SLC12A7: variants seen among roughly 807,000 people sequenced by gnomAD.
The protein encoded by SLC12A7 is K-Cl cotransporter 4.
SLC12A7 carries 100 observed loss-of-function variants against 120.6 expected under a neutral mutation model. The ratio of observed to expected loss-of-function variants is 0.83; its 90% CI spans 0.71 to 0.98. The LOEUF (loss-of-function observed/expected upper bound fraction) is 0.98. Ranked by LOEUF, SLC12A7 falls within the 50% of genes least tolerant of loss-of-function variation. SLC12A7 has a pLI of 0.00. For missense variants in SLC12A7, 1,373 were observed against 1,548.1 expected, an observed-to-expected ratio of 0.89 and a Z score of 1.90; for synonymous variants, 760 against 678.0, an observed-to-expected ratio of 1.12 and a Z score of -1.88.
chr5:1,087,236 C>A (rs1008471824), intron 5 of SLC12A7, among the ~76,000 whole-genome samples: 1 of 152,198 alleles, frequency 6.6e-6, no homozygotes, highest in Non-Finnish European at 1.5e-5. Flanking sequence ...CGTTCCACAC[C>A]AAGAGCACGC....
At chr5:1,061,498 A>C (rs1481789508) in intron 20 of SLC12A7, among the ~76,000 whole-genome samples, 133 of 84,662 alleles carry the variant, frequency 1.6e-3, no homozygotes, top group African/African-American at 8.2e-3. Context: ...GGGATCCCTG[A>C]GTCTCACCCG....
the SLC12A7 span, among the ~76,000 whole-genome samples, chr5:1,137,319 G>A: frequency 4.5e-4 from 68 of 151,974 alleles, no homozygotes; most frequent in African/African-American, 1.5e-3. Flanking sequence ...CAAGGACTCC[G>A]AAGGACAAGG....
At chr5:1,124,265 T>G in the SLC12A7 span, among the ~76,000 whole-genome samples, 1 of 152,202 alleles carries the variant, frequency 6.6e-6, no homozygotes, top group Non-Finnish European at 1.5e-5. Context: ...AAAGACCACC[T>G]AATCCCTCAC....
chr5:1,115,219 G>A (rs1743267839), upstream of SLC12A7, among the ~76,000 whole-genome samples: 1 of 152,230 alleles, frequency 6.6e-6, no homozygotes. Context: ...GGGGAACCCT[G>A]GGATTTAGTG....
At chr5:1,090,236 C>T (rs1222559753) in intron 3 of SLC12A7, among the ~76,000 whole-genome samples, 1 of 152,224 alleles carries the variant, frequency 6.6e-6, no homozygotes, top group African/African-American at 2.4e-5. Flanking sequence ...GGAACGCCTC[C>T]CACAGACTGG....
chr5:1,143,953 G>A, the SLC12A7 span, among the ~76,000 whole-genome samples: 9 of 151,654 alleles, frequency 5.9e-5, no homozygotes, highest in African/African-American at 2.2e-4. Flanking sequence ...GGGCACCCTG[G>A]CGCTGGGAAA....
chr5:1,061,891 G>A (rs1356595896), intron 20 of SLC12A7, among the ~76,000 whole-genome samples: 1 of 152,216 alleles, frequency 6.6e-6, no homozygotes, highest in African/African-American at 2.4e-5. Flanking sequence ...GAACCCAGGA[G>A]GTGGAGGTTC....
chr5:1,112,851 A>T (rs1248326275), upstream of SLC12A7, among the ~76,000 whole-genome samples: 2 of 133,844 alleles, frequency 1.5e-5, no homozygotes, highest in Non-Finnish European at 3.3e-5. Flanking sequence ...CAGTTTAGGG[A>T]CCTAACCCAG....
the SLC12A7 span, among the ~76,000 whole-genome samples, chr5:1,126,551 C>T: frequency 6.6e-6 from 1 of 152,132 alleles, no homozygotes; most frequent in South Asian, 2.1e-4. Flanking sequence ...AAATTTGTGT[C>T]ATGGGGTTTG....
the SLC12A7 span, among the ~76,000 whole-genome samples, chr5:1,143,399 C>T: frequency 2.6e-5 from 4 of 152,208 alleles, no homozygotes; most frequent in African/African-American, 2.4e-5. Context: ...ATTCATGGCC[C>T]GCAGACGGTG....
intron 16 of SLC12A7, among the ~76,000 whole-genome samples, 191 bp downstream of exon 16, chr5:1,074,376 C>T (rs546335152): frequency 6.6e-6 from 1 of 152,302 alleles, no homozygotes; most frequent in East Asian, 1.9e-4. Flanking sequence ...CACACCCCCA[C>T]CCTGCAGCAG....
chr5:1,069,735 G>A (rs565510792), intron 17 of SLC12A7, among the ~76,000 whole-genome samples: 3 of 152,164 alleles, frequency 2.0e-5, no homozygotes, highest in Non-Finnish European at 4.4e-5. Context: ...GTGACGTGAC[G>A]TGACGTGATG....
chr5:1,079,551 T>C (rs1450420795), intron 9 of SLC12A7, 55 bp from the exon 10 acceptor site: 2 of 1,407,168 alleles, frequency 1.4e-6, no homozygotes, highest in African/African-American at 1.4e-5. Context: ...TGCCATGTGA[T>C]GGCAGCCCCT....
At chr5:1,085,814 G>A (rs1739804957) in intron 6 of SLC12A7, among the ~76,000 whole-genome samples, 1 of 152,236 alleles carries the variant, frequency 6.6e-6, no homozygotes, top group Non-Finnish European at 1.5e-5. Flanking sequence ...TCAGGACCCG[G>A]GGCATCCGCA....
chr5:1,139,076 G>A, the SLC12A7 span, among the ~76,000 whole-genome samples: 5 of 147,454 alleles, frequency 3.4e-5, no homozygotes, highest in African/African-American at 1.0e-4. Flanking sequence ...GTGGGGGGGG[G>A]GCTCTGGGCG....
the SLC12A7 span, among the ~76,000 whole-genome samples, chr5:1,138,568 ATTTGCCAGTGGGCT>A: frequency 1.3e-5 from 2 of 152,084 alleles, no homozygotes; most frequent in Non-Finnish European, 1.5e-5. Flanking sequence ...TCTGTTTCTG[ATTTGCCAGTGGGCT>A]TAGAGCCCGC....
At chr5:1,074,764 G>A in intron 15 of SLC12A7, 93 bp from the exon 16 acceptor site, 1 of 1,166,576 alleles carries the variant, frequency 8.6e-7, no homozygotes. Flanking sequence ...GGTGAGTTGG[G>A]GCAAACAGGA....
chr5:1,139,132 C>T, the SLC12A7 span, among the ~76,000 whole-genome samples: 1 of 152,224 alleles, frequency 6.6e-6, no homozygotes. Context: ...CACAGCTGGG[C>T]TCCCTCCTCA....
chr5:1,118,562 C>T, the SLC12A7 span, among the ~76,000 whole-genome samples: 33 of 152,336 alleles, frequency 2.2e-4, no homozygotes, highest in East Asian at 4.8e-3. Flanking sequence ...ATGCGAAGGC[C>T]GCCAAAGCCG....
Sources: gnomAD v4.1 joint callset for allele counts (sites outside exome capture counted in the v4.1 genomes callset) on GRCh38, gnomAD v4.1.1 for gene constraint, MANE v1.5 for transcripts, NCBI Gene and HGNC (gene_info 2026-07-23, HGNC 2026-07-21) for gene names.